Variants in CDH20 observed in about 807,000 individuals in gnomAD.
CDH20 encodes cadherin-20.
A neutral mutation model predicts 74.2 loss-of-function variants in CDH20; 29 were observed. That is an observed-to-expected ratio of 0.39 (90% CI 0.29 to 0.53). The LOEUF (loss-of-function observed/expected upper bound fraction) is 0.53. CDH20 is among the 20% of genes least tolerant of loss of function. The pLI is 0.69. For missense variants in CDH20, 988 were observed against 1,048.3 expected (o/e 0.94, Z 0.79); for synonymous variants, 469 against 405.4 (o/e 1.16, Z -1.88).
At chr18:61,370,884 CAA>C (rs1315762631) in intron 1 of CDH20, among the ~76,000 whole-genome samples, 5 of 151,998 alleles carry the variant, frequency 3.3e-5, no homozygotes, top group Non-Finnish European at 7.4e-5. Context: ...ATTTTTAAGT[CAA>C]AAACCACAAT....
chr18:61,478,544 C>G (rs1221337099), intron 1 of CDH20, among the ~76,000 whole-genome samples: 3 of 152,120 alleles, frequency 2.0e-5, no homozygotes, highest in Non-Finnish European at 4.4e-5. Context: ...TAGTATTCAC[C>G]TGCATGTTTT....
At chr18:61,385,626 T>G (rs969771004) in intron 1 of CDH20, among the ~76,000 whole-genome samples, 2 of 152,056 alleles carry the variant, frequency 1.3e-5, no homozygotes, top group African/African-American at 4.8e-5. Context: ...ACAAAGACCC[T>G]GTATAAAAGA....
At chr18:61,435,095 C>A (rs1895246310) in intron 1 of CDH20, among the ~76,000 whole-genome samples, 1 of 152,132 alleles carries the variant, frequency 6.6e-6, no homozygotes, top group South Asian at 2.1e-4. Flanking sequence ...AATTCCTATA[C>A]ATTAGACTTA....
chr18:61,470,617 G>A (rs1275500038), intron 1 of CDH20, among the ~76,000 whole-genome samples: 1 of 151,708 alleles, frequency 6.6e-6, no homozygotes, highest in Non-Finnish European at 1.5e-5. Context: ...AAAAAAAAAA[G>A]AGAATGAAAG....
rs139652992 is a variant in CDH20, at chr18:61,392,560, A to G, written c.-153+58733A>G. On this transcript the variant is annotated intron_variant, in intron 1 of 11. Transcript: ENST00000262717. ...TTGGAATTATGTATTTCTAGATTAT[A>G]TCATGACTATCCATCTCCCTCTCCA... Among the ~76,000 whole-genome samples, 9 of 152,238 alleles carry G rather than the reference A, an allele frequency of 5.9e-5. No individual in the cohort carries two copies. In the East Asian group the frequency reaches 1.6e-3, roughly 26 times the overall value.
chr18:61,457,024 A>G (rs1344763344), intron 1 of CDH20, among the ~76,000 whole-genome samples: 1 of 152,208 alleles, frequency 6.6e-6, no homozygotes, highest in Admixed American at 6.5e-5. Flanking sequence ...TAGGGCAGAG[A>G]CAAACATTCA....
At chr18:61,447,524 G>A (rs960303368) in intron 1 of CDH20, among the ~76,000 whole-genome samples, 33 of 152,168 alleles carry the variant, frequency 2.2e-4, no homozygotes, top group African/African-American at 6.8e-4. Flanking sequence ...AGGACAATCT[G>A]GATTGTGTGG....
chr18:61,517,643 A>G (rs1246034706), intron 6 of CDH20, among the ~76,000 whole-genome samples: 1 of 152,186 alleles, frequency 6.6e-6, no homozygotes, highest in Non-Finnish European at 1.5e-5. Context: ...CTGGGTTTCA[A>G]GCATAAAACT....
chr18:61,422,508 C>T (rs1036780262), intron 1 of CDH20, among the ~76,000 whole-genome samples: 15 of 152,080 alleles, frequency 9.9e-5, no homozygotes, highest in Admixed American at 3.3e-4. Context: ...GTTCTGTTGA[C>T]CTTTGCTGTG....
At chr18:61,425,684 G>C (rs1913046908) in intron 1 of CDH20, among the ~76,000 whole-genome samples, 1 of 152,114 alleles carries the variant, frequency 6.6e-6, no homozygotes, top group Non-Finnish European at 1.5e-5. Flanking sequence ...ATTATATAAT[G>C]GACTTAGGGG....
At chr18:61,480,451 A>G (rs1330055459) in intron 1 of CDH20, among the ~76,000 whole-genome samples, 2 of 152,196 alleles carry the variant, frequency 1.3e-5, no homozygotes, top group Admixed American at 1.3e-4. Flanking sequence ...CAATCAATTT[A>G]TGTAAGATGT....
chr18:61,554,425 G>A lies in CDH20; in HGVS notation c.2136G>A (p.Val712=). ...LPEIESLSRY[V]PQTCAVNSTV... is the part of the protein sequence containing the mutation. ...AGATCGAGAGCCTCTCCCGCTACGT[G>A]CCTCAGACGTGCGCAGTGAACAGCA... The change falls in exon 12 of 12, where the codon GTG becomes GTA. Residue 712 remains valine, a synonymous_variant. Coordinates refer to ENST00000262717, the MANE Select transcript of CDH20 (RefSeq NM_031891.4). 1 of 1,613,146 alleles carries A rather than the reference G, an allele frequency of 6.2e-7. No homozygotes were observed.
chr18:61,520,315 C>CAAAAAAAAAAAA (rs58685164), intron 6 of CDH20, among the ~76,000 whole-genome samples: 4 of 122,052 alleles, frequency 3.3e-5, no homozygotes, highest in Non-Finnish European at 6.5e-5. Context: ...GACTCCGTCT[C>CAAAAAAAAAAAA]AAAAAAAAAA....
intron 1 of CDH20, among the ~76,000 whole-genome samples, chr18:61,435,668 T>C (rs1031097065): frequency 4.6e-5 from 7 of 151,188 alleles, no homozygotes; most frequent in Non-Finnish European, 7.4e-5. Flanking sequence ...TTCAAAGTTT[T>C]TAAAAATATA....
chr18:61,456,264 T>A (rs933506161), intron 1 of CDH20, among the ~76,000 whole-genome samples: 3 of 152,226 alleles, frequency 2.0e-5, no homozygotes, highest in Non-Finnish European at 4.4e-5. Context: ...CTTTCAGTTA[T>A]CAAATGCAAA....
intron 1 of CDH20, among the ~76,000 whole-genome samples, chr18:61,433,253 C>T (rs1038096144): frequency 1.3e-5 from 2 of 152,124 alleles, no homozygotes; most frequent in African/African-American, 4.8e-5. Context: ...GAATAAATGG[C>T]AAGTGTTACT....
At chr18:61,339,697 T>TC (rs1247233422) in intron 1 of CDH20, among the ~76,000 whole-genome samples, 58 of 103,858 alleles carry the variant, frequency 5.6e-4, no homozygotes, top group African/African-American at 1.9e-3. Context: ...TTTTTTTTTT[T>TC]TTTTTTTTGA....
chr18:61,424,849 C>T (rs1913013014), intron 1 of CDH20, among the ~76,000 whole-genome samples: 1 of 152,072 alleles, frequency 6.6e-6, no homozygotes, highest in African/African-American at 2.4e-5. Context: ...GAACCTAGCC[C>T]TGGGCCACAA....
rs111976143 is a variant in CDH20, at chr18:61,538,584, G to C, written c.1409-440G>C. Among the ~76,000 whole-genome samples, 2 of 55,846 alleles carry C rather than the reference G, an allele frequency of 3.6e-5. 1 individual carries two copies. The highest frequency in any genetic ancestry group is 7.0e-5 in the Non-Finnish European group (2 of 28,610). 36.6% of individuals were successfully genotyped at this position (55,846 alleles called of 152,430 possible). On this transcript the variant is annotated intron_variant, in intron 8 of 11. Transcript: ENST00000262717. ...CTCACCAAGTAAATAACTACTTTTTGTTTGTTTGTTTGTTTTTGTTTTTGT... is the reference window on the plus strand; with the variant it reads ...CTCACCAAGTAAATAACTACTTTTTCTTTGTTTGTTTGTTTTTGTTTTTGT...
Sources: allele counts gnomAD v4.1 joint callset (sites outside exome capture counted in the v4.1 genomes callset), GRCh38; gene constraint gnomAD v4.1.1; transcripts MANE v1.5; gene names NCBI Gene and HGNC (gene_info 2026-07-23, HGNC 2026-07-21).